Variants in STPG2 observed in about 807,000 individuals in gnomAD.
STPG2 encodes sperm tail PG-rich repeat containing 2.
A neutral mutation model predicts 54.2 loss-of-function variants in STPG2; 56 were observed. That is an observed-to-expected ratio of 1.03 (90% CI 0.83 to 1.29). STPG2 has a LOEUF of 1.29. Ranked by LOEUF, STPG2 falls within the 50% of genes most tolerant of loss-of-function variation. The pLI, the probability that STPG2 is intolerant of heterozygous loss-of-function variation, is 0.00. For missense variants in STPG2, 596 were observed against 544.9 expected (o/e 1.09, Z -0.93); for synonymous variants, 200 against 181.8 (o/e 1.10, Z -0.81).
intron 5 of STPG2, among the ~76,000 whole-genome samples, chr4:97,994,491 T>C (rs999390903): frequency 6.6e-6 from 1 of 152,194 alleles, no homozygotes; most frequent in Non-Finnish European, 1.5e-5. Flanking sequence ...CCATTCGTTG[T>C]AGGGTATAGT....
chr4:98,012,722 G>A (rs544314107), intron 5 of STPG2, among the ~76,000 whole-genome samples: 178 of 152,240 alleles, frequency 1.2e-3, no homozygotes, highest in South Asian at 8.5e-3. Flanking sequence ...ATTGTGAATG[G>A]GAGTTCATTC....
intron 4 of STPG2, among the ~76,000 whole-genome samples, chr4:97,504,586 A>G (rs535291461): frequency 3.3e-5 from 5 of 152,028 alleles, no homozygotes; most frequent in Admixed American, 2.6e-4. Context: ...TGAAAAATAT[A>G]TTTTCTTGTA....
Position 97,905,437 on chromosome 4 carries a change from A to T in STPG2, c.1044+38460T>A, listed in dbSNP as rs1158431507. On this transcript the variant is annotated intron_variant, in intron 8 of 10. Coordinates refer to ENST00000295268, the MANE Select transcript of STPG2 (RefSeq NM_174952.3). ...ATTTTGTCACCACCAGGCCTGCCCTAAAAGAGCTCCTGAAGGAAGTGCCAA... is the reference window on the plus strand; with the variant it reads ...ATTTTGTCACCACCAGGCCTGCCCTTAAAGAGCTCCTGAAGGAAGTGCCAA... 2.6e-5 allele frequency among the ~76,000 whole-genome samples: 4 copies of T among 152,272 alleles called. No individual in the cohort carries two copies. In the East Asian group the frequency reaches 7.7e-4, roughly 29 times the overall value.
At chr4:97,703,959 C>G (rs186553231) in intron 10 of STPG2, among the ~76,000 whole-genome samples, 1 of 151,854 alleles carries the variant, frequency 6.6e-6, no homozygotes, top group African/African-American at 2.4e-5. Context: ...AGTTTGAAGG[C>G]AGAAAGCATC....
chr4:97,531,060 C>T (rs749611909), intron 4 of STPG2, among the ~76,000 whole-genome samples: 36 of 152,250 alleles, frequency 2.4e-4, no homozygotes, highest in Middle Eastern at 3.4e-3. Flanking sequence ...ATAGGCATTT[C>T]TCAAAAGAAG....
chr4:97,878,041 G>A (rs1362275351), intron 8 of STPG2, among the ~76,000 whole-genome samples: 3 of 152,200 alleles, frequency 2.0e-5, no homozygotes, highest in Non-Finnish European at 4.4e-5. Flanking sequence ...ATTCAGCAGG[G>A]CAGTTAAATA....
At chr4:97,601,353 C>CA (rs1310751623) in intron 10 of STPG2, among the ~76,000 whole-genome samples, 1 of 151,498 alleles carries the variant, frequency 6.6e-6, no homozygotes, top group African/African-American at 2.4e-5. Flanking sequence ...ATATGTTAAG[C>CA]AAAAAAAGAA....
chr4:97,819,189 T>C (rs1352547342), intron 9 of STPG2, among the ~76,000 whole-genome samples: 7 of 151,794 alleles, frequency 4.6e-5, no homozygotes, highest in Non-Finnish European at 8.8e-5. Flanking sequence ...CTGGCAGCTA[T>C]AGAAAAATGA....
chr4:97,948,741 G>T (rs571194039), intron 7 of STPG2, among the ~76,000 whole-genome samples: 2 of 152,144 alleles, frequency 1.3e-5, no homozygotes, highest in South Asian at 4.1e-4. Context: ...TTCTGGAGTT[G>T]ATTTCTATTT....
intron 5 of STPG2, among the ~76,000 whole-genome samples, chr4:98,021,409 T>C (rs867991797): frequency 1.7e-4 from 25 of 150,798 alleles, no homozygotes; most frequent in African/African-American, 5.9e-4. Context: ...TCTGTTCTTT[T>C]ACATTTGCTG....
At chr4:97,479,361 C>A (rs561940273) in intron 4 of STPG2, among the ~76,000 whole-genome samples, 2 of 151,882 alleles carry the variant, frequency 1.3e-5, no homozygotes, top group Non-Finnish European at 2.9e-5. Flanking sequence ...AGCATGACAA[C>A]CTTATTCTCA....
chr4:98,120,219 T>C (rs1184436959), intron 3 of STPG2, among the ~76,000 whole-genome samples: 1 of 152,082 alleles, frequency 6.6e-6, no homozygotes, highest in Admixed American at 6.6e-5. Flanking sequence ...TAACTGGGAC[T>C]ACAGGTGCAT....
At chr4:97,953,903 C>T (rs1049980947) in intron 7 of STPG2, among the ~76,000 whole-genome samples, 1 of 152,182 alleles carries the variant, frequency 6.6e-6, no homozygotes, top group Non-Finnish European at 1.5e-5. Context: ...GTGAGAATTG[C>T]TATACACTAT....
At chr4:97,878,532 G>A (rs535603644) in intron 8 of STPG2, among the ~76,000 whole-genome samples, 7 of 152,306 alleles carry the variant, frequency 4.6e-5, no homozygotes, top group African/African-American at 1.7e-4. Flanking sequence ...CTTGGAGCAT[G>A]CACCCTGTGA....
chr4:98,019,087 C>T (rs1736079260), intron 5 of STPG2, among the ~76,000 whole-genome samples: 1 of 151,988 alleles, frequency 6.6e-6, no homozygotes. Context: ...ACATGAAGTC[C>T]TTGCCCATGC....
At chr4:97,990,390 A>G (rs961223861) in intron 5 of STPG2, among the ~76,000 whole-genome samples, 1 of 152,188 alleles carries the variant, frequency 6.6e-6, no homozygotes, top group Non-Finnish European at 1.5e-5. Flanking sequence ...ATGACATTAT[A>G]AAGAAGGAAA....
In STPG2 at chr4:97,537,859, G is replaced by C. The variant is rs780996896; in HGVS notation, c.462+174840C>G. Among the ~76,000 whole-genome samples the C allele has an allele frequency of 3.9e-5, 6 of 152,214 alleles. 1 individual carries two copies. The South Asian group carries it at 1.2e-3, about 32-fold the overall frequency. On this transcript the variant is annotated intron_variant, in intron 4 of 4. Coordinates refer to the STPG2 transcript ENST00000522676. ...TCTGAGATGAAACCTCCAGAGGAAC[G>C]ATCAGACAGCAACATTTGCTGTTCA...
At chr4:97,876,997 G>A (rs574983193) in intron 8 of STPG2, among the ~76,000 whole-genome samples, 1 of 151,468 alleles carries the variant, frequency 6.6e-6, no homozygotes, top group Non-Finnish European at 1.5e-5. Flanking sequence ...ATATTTATGG[G>A]GTACAATGTG....
intron 5 of STPG2, among the ~76,000 whole-genome samples, chr4:98,014,757 G>T (rs1735877897): frequency 6.6e-6 from 1 of 151,834 alleles, no homozygotes; most frequent in South Asian, 2.1e-4. Context: ...ATTTCTCTTT[G>T]ATGAAATCCC....
Sources: allele counts gnomAD v4.1 joint callset (sites outside exome capture counted in the v4.1 genomes callset), GRCh38; gene constraint gnomAD v4.1.1; transcripts MANE v1.5; gene names NCBI Gene and HGNC (gene_info 2026-07-23, HGNC 2026-07-21).